The following ENPP1 variants were observed in gnomAD, a reference collection of about 807,000 sequenced individuals.
ENPP1 encodes ectonucleotide pyrophosphatase/phosphodiesterase 1.
Under a neutral mutation model 122.8 loss-of-function variants are expected in ENPP1, and 73 were observed. The ratio of observed to expected loss-of-function variants is 0.59; its 90% confidence interval spans 0.49 to 0.72. ENPP1 has a LOEUF of 0.72. ENPP1 is among the 30% of genes least tolerant of loss of function. The probability of loss-of-function intolerance (pLI) is 0.00; values close to 1 mark genes in which losing one functional copy is unlikely to be tolerated. For missense variants in ENPP1, 978 were observed against 1,128.1 expected (o/e 0.87, Z 1.91); for synonymous variants, 367 against 391.6 (o/e 0.94, Z 0.74).
chr6:131,855,488 G>A lies in ENPP1; in HGVS notation c.715+465G>A, dbSNP rs142883286. 7.7e-3 allele frequency among the ~76,000 whole-genome samples: 1,170 copies of A among 152,118 alleles called. 13 individuals are homozygous for A. Among genetic ancestry groups the A allele is most frequent in the African/African-American group, 0.026 (1,063 of 41,522 alleles). ...TTTCAAGCACATGACACCATGCCTG[G>A]CTAATTTTTGTGTTTTTAGTAGAGA... is the stretch of plus-strand genomic sequence containing the variant. On this transcript the variant is annotated intron_variant, in intron 6 of 24. Transcript: ENST00000647893.
intron 20 of ENPP1, among the ~76,000 whole-genome samples, chr6:131,881,828 T>G (rs372631192): frequency 7.9e-5 from 12 of 151,554 alleles, no homozygotes; most frequent in African/African-American, 9.7e-5. Context: ...AGACCAGCCT[T>G]GCCAACATGG....
rs1781817226 is a variant in ENPP1 at position 131,846,816 on chromosome 6, GGA to G, written c.241-959_241-958del. Reference sequence around the variant, plus strand: ...ACTTTGTCACACTAAAAAAAATTGAGGATTGTTTTGTGGGTTATTCCGCTCCT... The same window carrying G: ...ACTTTGTCACACTAAAAAAAATTGAGTTGTTTTGTGGGTTATTCCGCTCCT... On this transcript the variant is annotated intron_variant, in intron 1 of 24. Transcript: ENST00000647893. Among the ~76,000 whole-genome samples the G allele has an allele frequency of 2.0e-5, 3 of 152,270 alleles. No homozygotes were observed. The South Asian group carries it at 6.2e-4, about 32-fold the overall frequency.
intron 1 of ENPP1, among the ~76,000 whole-genome samples, chr6:131,839,542 G>A (rs1241153148): frequency 6.6e-6 from 1 of 152,154 alleles, no homozygotes; most frequent in African/African-American, 2.4e-5. Context: ...TTTACTCTGG[G>A]TCACTAATAC....
At position 131,823,209 on chromosome 6, in the gene ENPP1, A is replaced by G. The variant is rs182280854; in HGVS notation, c.240+14934A>G. On this transcript the variant is annotated intron_variant, in intron 1 of 24. Coordinates refer to ENST00000647893, the MANE Select transcript of ENPP1 (RefSeq NM_006208.3). ...ACATACATATCTATTTGTGTTTACT[A>G]TTTGTCCGGCCCTATGCTAAAGACT... Among the ~76,000 whole-genome samples, 6 of 152,202 alleles carry G rather than the reference A, an allele frequency of 3.9e-5. No homozygotes were observed. The East Asian group carries it at 7.7e-4, about 20-fold the overall frequency.
chr6:131,810,779 C>T (rs1562505979), intron 1 of ENPP1, among the ~76,000 whole-genome samples: 1 of 152,186 alleles, frequency 6.6e-6, no homozygotes, highest in Non-Finnish European at 1.5e-5. Flanking sequence ...GTAATTTTTA[C>T]ATTACTCTGC....
At chr6:131,819,892 G>A in intron 1 of ENPP1, 1 of 491,502 alleles carries the variant, frequency 2.0e-6, no homozygotes, top group Non-Finnish European at 3.9e-6. Context: ...TTTCCCAGTG[G>A]CCCTCTTCCA....
intron 11 of ENPP1, among the ~76,000 whole-genome samples, chr6:131,865,633 T>C (rs1782079599): frequency 6.6e-6 from 1 of 152,110 alleles, no homozygotes. Flanking sequence ...ACCATTTTAA[T>C]GGCAAAAAAA....
At chr6:131,883,421 A>G (rs753431825) in intron 21 of ENPP1, among the ~76,000 whole-genome samples, 5 of 152,232 alleles carry the variant, frequency 3.3e-5, no homozygotes, top group African/African-American at 4.8e-5. Context: ...AATGAGGGCA[A>G]TAACGTTTGA....
At chr6:131,889,140 C>T (rs1037738444) in intron 24 of ENPP1, among the ~76,000 whole-genome samples, 5 of 152,186 alleles carry the variant, frequency 3.3e-5, no homozygotes, top group Admixed American at 6.5e-5. Context: ...GAGGAGGATA[C>T]AGATAAAGGA....
intron 1 of ENPP1, chr6:131,827,316 A>C: frequency 7.5e-7 from 1 of 1,337,746 alleles, no homozygotes; most frequent in Non-Finnish European, 1.1e-6. Context: ...CAGATGAAGG[A>C]TGAAGGCAAA....
chr6:131,851,171 T>C lies in ENPP1; in HGVS notation c.460T>C (p.Cys154Arg). 1 of 1,614,024 alleles carries C rather than the reference T, an allele frequency of 6.2e-7. No homozygotes were observed. The highest frequency in any genetic ancestry group is 8.5e-7 in the Non-Finnish European group (1 of 1,179,950). Residue 154 changes from cysteine to arginine, a missense_variant, in exon 4 of 25, where the codon TGT becomes CGT. Cys to Arg is a radical substitution (Grantham distance 180). This residue lies in a region of ENPP1 where 330 missense variants were observed against 328.5 expected (regional missense o/e 1.00). Coordinates refer to ENST00000647893, the MANE Select transcript of ENPP1 (RefSeq NM_006208.3). The part of the protein sequence containing the change: ...EHIWTCNKFR[C>R]GEKRLTRSLC... ...TATATGGACTTGCAACAAATTCAGG[T>C]GTGGTGAGAAAAGGTTGACCAGAAG...
Position 131,845,458 on chromosome 6 carries a change from T to TG in ENPP1, c.241-2318_241-2317insG, listed in dbSNP as rs1401072331. On this transcript the variant is annotated intron_variant, in intron 1 of 24. Transcript: ENST00000647893. ...TTGTTGTTGTTTTGGCTTGTTTTTT[T>TG]TTTTTTTTTTAATTTTTTTTGAGCA... is the stretch of plus-strand genomic sequence containing the variant. Among the ~76,000 whole-genome samples the TG allele has an allele frequency of 1.8e-4, 27 of 149,634 alleles. 1 individual carries two copies. In the South Asian group the frequency reaches 5.3e-3, roughly 29 times the overall value.
chr6:131,864,973 A>G, intron 11 of ENPP1, 35 bp downstream of exon 11: 1 of 1,312,854 alleles, frequency 7.6e-7, no homozygotes, highest in Non-Finnish European at 1.1e-6. Flanking sequence ...ATTTCATTAA[A>G]CCCAGTCATC....
chr6:131,880,852 C>T (rs956981430), intron 20 of ENPP1, among the ~76,000 whole-genome samples: 1 of 152,082 alleles, frequency 6.6e-6, no homozygotes, highest in African/African-American at 2.4e-5. Context: ...AGAATCCTGC[C>T]CACCACCAAC....
intron 1 of ENPP1, among the ~76,000 whole-genome samples, chr6:131,836,850 A>G (rs2114676867): frequency 6.6e-6 from 1 of 152,316 alleles, no homozygotes; most frequent in South Asian, 2.1e-4. Context: ...ACTGGCATCC[A>G]TAGGGCAGAG....
chr6:131,823,095 A>G (rs190840673), intron 1 of ENPP1, among the ~76,000 whole-genome samples: 1 of 152,352 alleles, frequency 6.6e-6, no homozygotes, highest in East Asian at 1.9e-4. Flanking sequence ...AGTCTGTGAC[A>G]TATGTGTTCA....
chr6:131,885,093 T>C (rs762995911), intron 23 of ENPP1, 30 bp downstream of exon 23: 1 of 1,609,172 alleles, frequency 6.2e-7, no homozygotes, highest in East Asian at 2.2e-5. Context: ...CTCTTAAAAA[T>C]AGGAATTACC....
chr6:131,874,013 A>G (rs1186940509), intron 15 of ENPP1, among the ~76,000 whole-genome samples: 2 of 152,244 alleles, frequency 1.3e-5, no homozygotes, highest in Non-Finnish European at 1.5e-5. Context: ...TCACACAGCC[A>G]ATGTTCAAAA....
intron 13 of ENPP1, among the ~76,000 whole-genome samples, chr6:131,869,854 TAAAA>T (rs757712283): frequency 2.0e-5 from 2 of 99,056 alleles, no homozygotes; most frequent in Non-Finnish European, 2.1e-5. Flanking sequence ...AGACTTGGTC[TAAAA>T]AAAAAAAAAA....
Sources: allele counts gnomAD v4.1 joint callset (sites outside exome capture counted in the v4.1 genomes callset), GRCh38; gene constraint gnomAD v4.1.1; regional missense constraint gnomAD v4.1.1; transcripts MANE v1.5; gene names NCBI Gene and HGNC (gene_info 2026-07-23, HGNC 2026-07-21).